The following DUSP12 variants were observed in gnomAD, a reference collection of about 807,000 sequenced individuals.
DUSP12 encodes the protein dual specificity protein phosphatase 12.
Under a neutral mutation model 38.9 loss-of-function variants are expected in DUSP12, and 25 were observed. The ratio of observed to expected loss-of-function variants is 0.64; its 90% CI spans 0.47 to 0.90. The LOEUF is 0.90. Ranked by LOEUF, DUSP12 falls within the 40% of genes least tolerant of loss-of-function variation. The pLI, the probability that DUSP12 is intolerant of heterozygous loss-of-function variation, is 0.00. For synonymous variants in DUSP12, 153 were observed against 153.9 expected, an observed-to-expected ratio of 0.99 and a Z score of 0.05; for missense variants, 403 against 427.0, an observed-to-expected ratio of 0.94 and a Z score of 0.50.
In DUSP12 at chr1:161,749,823, A is replaced by C; in HGVS notation, c.22A>C (p.Ser8Arg). The C allele has an allele frequency of 2.5e-6, 4 of 1,586,330 alleles. No individual in the cohort carries two copies. Among genetic ancestry groups the C allele is most frequent in the Non-Finnish European group, 3.4e-6 (4 of 1,166,936 alleles). Residue 8 changes from serine (S) to arginine (R), a missense_variant, in exon 1 of 6, where the codon AGT becomes CGT. Physicochemically the swap from Ser to Arg is moderately radical, Grantham distance 110 (BLOSUM62 -1). Coordinates refer to ENST00000367943, the MANE Select transcript of DUSP12 (RefSeq NM_007240.3). MLEAPGP[S>R]DGCELSNPSA... ...GGCCATGTTGGAGGCTCCGGGCCCG[A>C]GTGATGGCTGCGAGCTCAGCAACCC...
chr1:161,750,009 C>A lies in DUSP12; in HGVS notation c.208C>A (p.Pro70Thr), dbSNP rs145790817. 3 of 1,614,054 alleles carry A rather than the reference C, an allele frequency of 1.9e-6. No homozygotes were observed. Among genetic ancestry groups the A allele is most frequent in the South Asian group, 1.1e-5 (1 of 91,090 alleles). ...DSEEPSFKAGPGVEDLWRLFV... is the reference protein window; with the variant it reads ...DSEEPSFKAGTGVEDLWRLFV... ...GGAGGAGCCCAGCTTCAAGGCGGGG[C>A]CTGGGGTCGAGGATCTATGGCGCCT... is the stretch of plus-strand genomic sequence containing the variant. Residue 70 changes from proline to threonine, a missense_variant, in exon 1 of 6, where the codon CCT becomes ACT. Transcript: ENST00000367943.
At position 161,755,762 on chromosome 1, in the gene DUSP12, C is replaced by T. The variant is rs528922687; in HGVS notation, c.862-1024C>T. On this transcript the variant is annotated intron_variant, in intron 5 of 5. Transcript: ENST00000367943. ...TCATCTAATATATTGCAACTATTTT[C>T]TTCAGTCTATTGCTTATCAGATTTT... Among the ~76,000 whole-genome samples the T allele has an allele frequency of 2.0e-5, 3 of 152,098 alleles. No individual in the cohort carries two copies. The East Asian group carries it at 5.8e-4, about 29-fold the overall frequency.
At chr1:161,750,930 C>A (rs1034636533) in intron 1 of DUSP12, among the ~76,000 whole-genome samples, 3 of 150,664 alleles carry the variant, frequency 2.0e-5, no homozygotes, top group African/African-American at 7.3e-5. Flanking sequence ...ATCCCTCCCC[C>A]CAAAAAAAGA....
intron 1 of DUSP12, 127 bp downstream of exon 1, chr1:161,750,272 C>G: frequency 9.8e-7 from 1 of 1,019,424 alleles, no homozygotes; most frequent in South Asian, 1.5e-5. Flanking sequence ...CTCCCGCTGC[C>G]TCCCGCAGGA....
Position 161,757,161 on chromosome 1 carries a change from G to A in DUSP12, c.*214G>A, listed in dbSNP as rs3767638. ...TTGATATTAAAATCTTTTATAACCA[G>A]ATACTGTCTGTGTTTCATATATTTT... On this transcript the variant is annotated 3_prime_UTR_variant, in exon 6 of 6. Coordinates refer to ENST00000367943, the MANE Select transcript of DUSP12 (RefSeq NM_007240.3). 3 of 403,114 alleles carry A rather than the reference G, an allele frequency of 7.4e-6. No homozygotes were observed. The highest frequency in any genetic ancestry group is 1.3e-5 in the Non-Finnish European group (3 of 225,416). The allele number at this position is 403,114 out of a possible 1,614,324, so 25.0% of individuals were successfully genotyped here.
At position 161,753,399 on chromosome 1, in the gene DUSP12, G is replaced by A. The variant is rs529482010; in HGVS notation, c.861+138G>A. The A allele has an allele frequency of 6.9e-5, 50 of 726,100 alleles. No individual in the cohort carries two copies. In the African/African-American group the frequency reaches 8.1e-4, roughly 12 times the overall value. 45.0% of individuals were successfully genotyped at this position (726,100 alleles called of 1,614,324 possible). On this transcript the variant is annotated intron_variant, in intron 5 of 5. Transcript: ENST00000367943. ...TTTCTGAAGATTATATCTTTCTAGT[G>A]TAGATAAGACTATCAAAAATAAAAT...
chr1:161,755,022 G>T (rs992164540), intron 5 of DUSP12, among the ~76,000 whole-genome samples: 1 of 152,114 alleles, frequency 6.6e-6, no homozygotes, highest in African/African-American at 2.4e-5. Flanking sequence ...TAGAGACGGG[G>T]TTTTTCCATG....
intron 1 of DUSP12, among the ~76,000 whole-genome samples, chr1:161,750,418 C>T (rs1220711384): frequency 6.6e-6 from 1 of 152,238 alleles, no homozygotes; most frequent in Non-Finnish European, 1.5e-5. Context: ...GACAAATTAC[C>T]TACACCCTAA....
chr1:161,753,658 G>A (rs939150779), intron 5 of DUSP12, among the ~76,000 whole-genome samples: 2 of 147,294 alleles, frequency 1.4e-5, no homozygotes, highest in African/African-American at 2.5e-5. Flanking sequence ...CCAGGGTTTC[G>A]AGACCAGCTT....
rs1245740190 is a variant in DUSP12 at position 161,752,365 on chromosome 1, T to C, written c.578-3T>C. On this transcript the variant is annotated splice_polypyrimidine_tract_variant and splice_region_variant and intron_variant, in intron 3 of 5. Coordinates refer to ENST00000367943, the MANE Select transcript of DUSP12 (RefSeq NM_007240.3). Reference sequence around the variant, plus strand: ...ATAAATACATTTTAATTATGTCATATAGAATTGCAGAATTTACCTCAAGAA... The same window carrying C: ...ATAAATACATTTTAATTATGTCATACAGAATTGCAGAATTTACCTCAAGAA... 2.5e-6 allele frequency: 4 copies of C among 1,593,272 alleles called. No individual in the cohort carries two copies. The highest frequency in any genetic ancestry group is 2.2e-5 in the East Asian group (1 of 44,736).
At chr1:161,754,016 G>T (rs1481318646) in intron 5 of DUSP12, among the ~76,000 whole-genome samples, 1 of 152,168 alleles carries the variant, frequency 6.6e-6, no homozygotes, top group African/African-American at 2.4e-5. Context: ...ACATAAAAAA[G>T]TGTTTAACTT....
intron 2 of DUSP12, 27 bp downstream of exon 2, chr1:161,751,808 T>C (rs1684023792): frequency 6.2e-7 from 1 of 1,602,544 alleles, no homozygotes; most frequent in Non-Finnish European, 8.5e-7. Flanking sequence ...TAGTAATAAT[T>C]ATGCTTTTGT....
At chr1:161,752,074 G>T (rs375740433) in intron 3 of DUSP12, 90 bp downstream of exon 3, 6 of 915,174 alleles carry the variant, frequency 6.6e-6, no homozygotes, top group South Asian at 3.3e-5. Context: ...CAATCCCTGA[G>T]AAACTATTGT....
At chr1:161,750,197 C>G (rs778904503) in intron 1 of DUSP12, 52 bp downstream of exon 1, 3 of 1,568,476 alleles carry the variant, frequency 1.9e-6, no homozygotes, top group South Asian at 1.1e-5. Flanking sequence ...CCAGCCGGCC[C>G]CCGTCGCCCC....
intron 4 of DUSP12, among the ~76,000 whole-genome samples, 190 bp from the exon 5 acceptor site, chr1:161,752,885 G>A (rs1427700055): frequency 2.0e-5 from 3 of 151,978 alleles, no homozygotes; most frequent in African/African-American, 7.3e-5. Flanking sequence ...AGCTACTCAG[G>A]AGGCTGAGGC....
At chr1:161,751,837 T>C in intron 2 of DUSP12, 29 bp from the exon 3 acceptor site, 1 of 1,601,490 alleles carries the variant, frequency 6.2e-7, no homozygotes, top group South Asian at 1.1e-5. Context: ...TTTAAGAAAA[T>C]GAAACTTTAT....
intron 4 of DUSP12, among the ~76,000 whole-genome samples, chr1:161,752,873 C>A (rs569105281): frequency 1.3e-5 from 2 of 151,872 alleles, no homozygotes; most frequent in Non-Finnish European, 2.9e-5. Flanking sequence ...GCCTGTAATC[C>A]CAGCTACTCA....
intron 5 of DUSP12, among the ~76,000 whole-genome samples, chr1:161,754,988 G>A (rs1197702947): frequency 2.6e-5 from 4 of 152,018 alleles, no homozygotes; most frequent in African/African-American, 7.3e-5. Context: ...GCGCCACCAC[G>A]CCTGGCTAAT....
intron 3 of DUSP12, 107 bp from the exon 4 acceptor site, chr1:161,752,261 T>TA (rs1166018519): frequency 7.2e-6 from 6 of 833,808 alleles, no homozygotes; most frequent in Admixed American, 4.9e-5. Context: ...TTTTTTTTTT[T>TA]AATTTTTGAG....
Sources: allele counts gnomAD v4.1 joint callset (sites outside exome capture counted in the v4.1 genomes callset), GRCh38; gene constraint gnomAD v4.1.1; transcripts MANE v1.5; gene names NCBI Gene and HGNC (gene_info 2026-07-23, HGNC 2026-07-21).